The following NRXN3 variants were observed in gnomAD, a reference collection of about 807,000 sequenced individuals.
NRXN3 encodes neurexin 3, also known as neurexin III.
Under a neutral mutation model 137.6 loss-of-function variants are expected in NRXN3, and 32 were observed. The observed-to-expected ratio is 0.23, with a 90% confidence interval of 0.18 to 0.31. The LOEUF is 0.31. Ranked by LOEUF, NRXN3 falls within the 10% of genes least tolerant of loss-of-function variation. The pLI, the probability that NRXN3 is intolerant of heterozygous loss-of-function variation, is 1.00. For synonymous variants in NRXN3, 798 were observed against 784.5 expected (o/e 1.02, Z -0.29); for missense variants, 1,574 against 2,062.5 (o/e 0.76, Z 4.59).
At chr14:78,265,754 A>G (rs1335410404) in intron 2 of NRXN3, among the ~76,000 whole-genome samples, 1 of 152,208 alleles carries the variant, frequency 6.6e-6, no homozygotes, top group Non-Finnish European at 1.5e-5. Flanking sequence ...AAAATTGTCC[A>G]GCTGAGTGTA....
chr14:78,380,680 G>A (rs983220420), intron 4 of NRXN3, among the ~76,000 whole-genome samples: 1 of 152,106 alleles, frequency 6.6e-6, no homozygotes, highest in African/African-American at 2.4e-5. Flanking sequence ...CTTTAGAACT[G>A]TGAGAGAGTA....
chr14:79,484,781 GT>G (rs1334471767), intron 16 of NRXN3, among the ~76,000 whole-genome samples: 1 of 152,180 alleles, frequency 6.6e-6, no homozygotes, highest in Non-Finnish European at 1.5e-5. Flanking sequence ...GAGGTTAGAA[GT>G]TGACTTTTAC....
chr14:78,332,285 C>A (rs551005410), intron 4 of NRXN3, among the ~76,000 whole-genome samples: 3 of 151,452 alleles, frequency 2.0e-5, no homozygotes, highest in South Asian at 2.1e-4. Context: ...TTGCCTTTGG[C>A]CCCTATCTTT....
intron 2 of NRXN3, among the ~76,000 whole-genome samples, chr14:78,267,901 C>T (rs2072048043): frequency 6.6e-6 from 1 of 152,150 alleles, no homozygotes; most frequent in Non-Finnish European, 1.5e-5. Context: ...TCTCCAGTGC[C>T]TAAGTCAGTG....
At chr14:78,877,223 A>T (rs1284282644) in intron 10 of NRXN3, among the ~76,000 whole-genome samples, 1 of 152,174 alleles carries the variant, frequency 6.6e-6, no homozygotes, top group African/African-American at 2.4e-5. Context: ...AGGAAGTTAT[A>T]CTCATTCCAC....
In NRXN3 at chr14:78,395,001, T is replaced by G. The variant is rs140505170; in HGVS notation, c.757+97141T>G. ...CAAGATGCTTGTTGATTTTGAGCTT[T>G]TCAAGGAATCATCTCTTTGTTTTAT... On this transcript the variant is annotated intron_variant, in intron 4 of 20. Transcript: ENST00000335750. Among the ~76,000 whole-genome samples, 86 of 152,044 alleles carry G rather than the reference T, an allele frequency of 5.7e-4. 2 individuals are homozygous for G. The East Asian group carries it at 0.016, about 29-fold the overall frequency.
intron 4 of NRXN3, among the ~76,000 whole-genome samples, chr14:78,343,534 A>G (rs1455325035): frequency 1.3e-5 from 2 of 152,230 alleles, no homozygotes; most frequent in African/African-American, 2.4e-5. Flanking sequence ...AAATGATTTT[A>G]TTTAATTCTT....
At chr14:79,705,212 G>A (rs897337050) in intron 19 of NRXN3, among the ~76,000 whole-genome samples, 1 of 152,130 alleles carries the variant, frequency 6.6e-6, no homozygotes, top group Non-Finnish European at 1.5e-5. Flanking sequence ...ACCCACGGGT[G>A]GAGGTCCCTG....
chr14:79,178,461 T>C (rs1197134978), intron 15 of NRXN3, among the ~76,000 whole-genome samples: 1 of 152,224 alleles, frequency 6.6e-6, no homozygotes. Context: ...TTCTGTGGTA[T>C]CGTAGAACAG....
At position 78,967,378 on chromosome 14, in the gene NRXN3, C is replaced by T. The variant is rs1292827464; in HGVS notation, c.2948C>T (p.Ala983Val). ...GTGGTCACTCAGGTTATCAATGGTG[C>T]CAAAAATCTGGATTTGAAAGGTAAA... Reference protein sequence around the residue: ...TKVVTQVINGAKNLDLKGDLY... With the variant: ...TKVVTQVINGVKNLDLKGDLY... Residue 983 changes from alanine to valine, a missense_variant, in exon 13 of 21, where the codon GCC (alanine) becomes GTC (valine). Coordinates refer to ENST00000335750, the MANE Select transcript of NRXN3 (RefSeq NM_001330195.2). 6.2e-7 allele frequency: 1 copy of T among 1,612,388 alleles called. No homozygotes were observed. The highest frequency in any genetic ancestry group is 8.5e-7 in the Non-Finnish European group (1 of 1,179,130).
intron 10 of NRXN3, among the ~76,000 whole-genome samples, chr14:78,913,166 AACTC>A (rs2099244067): frequency 6.6e-6 from 1 of 151,934 alleles, no homozygotes; most frequent in Non-Finnish European, 1.5e-5. Context: ...AAAAATGAGA[AACTC>A]AATTCCATTT....
At chr14:79,827,052 C>CTCA in intron 20 of NRXN3, among the ~76,000 whole-genome samples, 1 of 152,128 alleles carries the variant, frequency 6.6e-6, no homozygotes, top group African/African-American at 2.4e-5. Context: ...GCAGATTGAG[C>CTCA]ATTTACTGTG....
At chr14:78,755,266 A>G (rs1021952692) in intron 8 of NRXN3, among the ~76,000 whole-genome samples, 4 of 151,016 alleles carry the variant, frequency 2.6e-5, no homozygotes, top group African/African-American at 9.8e-5. Flanking sequence ...GCCTCAAGCA[A>G]TTCTCCCACC....
At chr14:79,262,229 C>T (rs749270794) in intron 15 of NRXN3, among the ~76,000 whole-genome samples, 4 of 152,140 alleles carry the variant, frequency 2.6e-5, no homozygotes, top group Non-Finnish European at 5.9e-5. Context: ...GCCCAATCCT[C>T]ACATTTCTTC....
chr14:78,764,689 G>A (rs2098703110), intron 8 of NRXN3, among the ~76,000 whole-genome samples: 1 of 152,198 alleles, frequency 6.6e-6, no homozygotes, highest in Admixed American at 6.5e-5. Context: ...GTGGTGAAAA[G>A]CAGCTTAGCA....
At chr14:78,576,719 C>T (rs117276437) in intron 4 of NRXN3, among the ~76,000 whole-genome samples, 10 of 152,208 alleles carry the variant, frequency 6.6e-5, no homozygotes, top group East Asian at 3.9e-4. Flanking sequence ...TGTCAAGGGG[C>T]GGAACATTCT....
At chr14:78,801,044 G>T (rs139976650) in intron 8 of NRXN3, among the ~76,000 whole-genome samples, 1 of 152,192 alleles carries the variant, frequency 6.6e-6, no homozygotes, top group Admixed American at 6.5e-5. Flanking sequence ...ACATGAGGCC[G>T]GGCGCAGTGG....
chr14:78,175,295 G>C (rs576210624), intron 1 of NRXN3, among the ~76,000 whole-genome samples: 1 of 152,172 alleles, frequency 6.6e-6, no homozygotes, highest in Non-Finnish European at 1.5e-5. Context: ...ACAGGGTTAC[G>C]TCATTGCCAG....
chr14:79,365,717 C>T (rs1414520061), intron 15 of NRXN3, among the ~76,000 whole-genome samples: 55 of 52,366 alleles, frequency 1.1e-3, no homozygotes, highest in African/African-American at 2.9e-3. Flanking sequence ...CAGAGCGAGA[C>T]TCTGTCTCAA....
Sources: allele counts gnomAD v4.1 joint callset (sites outside exome capture counted in the v4.1 genomes callset), GRCh38; gene constraint gnomAD v4.1.1; transcripts MANE v1.5; gene names NCBI Gene and HGNC (gene_info 2026-07-23, HGNC 2026-07-21).